The following GNA14 variants were observed in gnomAD, a reference collection of about 807,000 sequenced individuals.
GNA14 encodes G protein subunit alpha 14, also known as guanine nucleotide-binding protein subunit alpha-14.
A neutral mutation model predicts 42.0 loss-of-function variants in GNA14; 50 were observed. That is an observed-to-expected ratio of 1.19 (90% CI 0.95 to 1.51). The LOEUF is 1.51. Among genes scored for constraint, GNA14 ranks in the 40% most tolerant of loss-of-function variants. GNA14 has a pLI of 0.00. For synonymous variants in GNA14, 173 were observed against 163.1 expected, an observed-to-expected ratio of 1.06 and a Z score of -0.46; for missense variants, 473 against 446.2, an observed-to-expected ratio of 1.06 and a Z score of -0.54.
chr9:77,546,185 C>G (rs568493845), intron 1 of GNA14, among the ~76,000 whole-genome samples: 1 of 145,608 alleles, frequency 6.9e-6, no homozygotes, highest in East Asian at 2.0e-4. Context: ...CCACTGCACT[C>G]CAGCCTGGGT....
chr9:77,431,922 G>T (rs1277915045), intron 3 of GNA14, among the ~76,000 whole-genome samples: 2 of 152,080 alleles, frequency 1.3e-5, no homozygotes, highest in Non-Finnish European at 2.9e-5. Flanking sequence ...AAAATACACA[G>T]GCGTAAAACA....
intron 2 of GNA14, among the ~76,000 whole-genome samples, chr9:77,514,572 A>G (rs1554693751): frequency 6.6e-6 from 1 of 151,902 alleles, no homozygotes; most frequent in Non-Finnish European, 1.5e-5. Flanking sequence ...GTGGGTGGAA[A>G]AAGAAGGTGT....
At chr9:77,546,145 A>G (rs951960584) in intron 1 of GNA14, among the ~76,000 whole-genome samples, 1 of 135,138 alleles carries the variant, frequency 7.4e-6, no homozygotes, top group Non-Finnish European at 1.5e-5. Context: ...TGAACCAGGG[A>G]GGCAGAGGTT....
chr9:77,583,488 G>A (rs900475165), intron 1 of GNA14, among the ~76,000 whole-genome samples: 8 of 152,094 alleles, frequency 5.3e-5, no homozygotes, highest in East Asian at 1.9e-4. Context: ...AATTTTACTC[G>A]TTTTATGTTC....
At chr9:77,624,922 G>C (rs939626446) in intron 1 of GNA14, among the ~76,000 whole-genome samples, 4 of 152,038 alleles carry the variant, frequency 2.6e-5, no homozygotes, top group African/African-American at 7.2e-5. Context: ...ATTGACCGAA[G>C]TAGGCTTCAG....
Position 77,460,560 on chromosome 9 carries a change from A to G in GNA14, c.310-26038T>C, listed in dbSNP as rs191614119. On this transcript the variant is annotated intron_variant, in intron 2 of 6. Transcript: ENST00000341700. ...GCAAAACTCTGGACAGACGGGGACC[A>G]ATGACTGAGCCTTGGCTGGGAGGGC... Among the ~76,000 whole-genome samples the G allele has an allele frequency of 1.4e-3, 219 of 152,284 alleles. 2 individuals are homozygous for G. The highest frequency in any genetic ancestry group is 1.5e-3 in the Non-Finnish European group (103 of 68,022).
At chr9:77,555,538 GT>G (rs1564052701) in intron 1 of GNA14, among the ~76,000 whole-genome samples, 1 of 152,112 alleles carries the variant, frequency 6.6e-6, no homozygotes, top group African/African-American at 2.4e-5. Flanking sequence ...ATATGCCTGA[GT>G]GTGTGTCTAT....
chr9:77,451,976 C>G (rs1487022669), intron 2 of GNA14, among the ~76,000 whole-genome samples: 1 of 152,212 alleles, frequency 6.6e-6, no homozygotes, highest in Non-Finnish European at 1.5e-5. Flanking sequence ...GAAGTCCCCA[C>G]AGCCCAGGAA....
At chr9:77,426,713 A>T (rs1458422871) in intron 5 of GNA14, among the ~76,000 whole-genome samples, 1 of 152,216 alleles carries the variant, frequency 6.6e-6, no homozygotes, top group Non-Finnish European at 1.5e-5. Flanking sequence ...TGGCAAGAAG[A>T]TATTAAATGC....
In GNA14 at chr9:77,583,852, G is replaced by A. The variant is rs539212022; in HGVS notation, c.125-54599C>T. 7.2e-5 allele frequency among the ~76,000 whole-genome samples: 11 copies of A among 152,252 alleles called. No individual in the cohort carries two copies. In the East Asian group the frequency reaches 1.2e-3, roughly 16 times the overall value. ...CCAGCCAAAGCCATTGCCTCAGCTC[G>A]GAGGACCACTGCTGGAGTAGCAAGG... On this transcript the variant is annotated intron_variant, in intron 1 of 6. Transcript: ENST00000341700.
chr9:77,632,228 A>G (rs774004743), intron 1 of GNA14, among the ~76,000 whole-genome samples: 2 of 152,144 alleles, frequency 1.3e-5, no homozygotes, highest in Admixed American at 6.5e-5. Context: ...CACTGAGGGA[A>G]GCTTGGTGCT....
At chr9:77,485,028 T>C (rs924478860) in intron 2 of GNA14, among the ~76,000 whole-genome samples, 1 of 152,170 alleles carries the variant, frequency 6.6e-6, no homozygotes, top group African/African-American at 2.4e-5. Flanking sequence ...GTTGAGGTGA[T>C]TGTGAGCAAT....
rs2118054218 is a variant in GNA14 at position 77,648,016 on chromosome 9, G to A, written c.-223C>T. On this transcript the variant is annotated 5_prime_UTR_variant, in exon 1 of 7. Transcript: ENST00000341700. The stretch of plus-strand genomic sequence containing the variant: ...AATGCCGAGCGCTGGGAACGCTCGA[G>A]TGCACCCCGGATCCGGGCTCAGCCC... 3.6e-6 allele frequency: 2 copies of A among 550,338 alleles called. No homozygotes were observed. Among genetic ancestry groups the A allele is most frequent in the Non-Finnish European group, 6.3e-6 (2 of 317,488 alleles). The allele number at this position is 550,338 out of a possible 1,614,324, so 34.1% of individuals were successfully genotyped here.
intron 2 of GNA14, among the ~76,000 whole-genome samples, chr9:77,520,819 T>A (rs936024036): frequency 1.3e-5 from 2 of 152,162 alleles, no homozygotes; most frequent in African/African-American, 4.8e-5. Flanking sequence ...CCCTTTTTCA[T>A]TAGGTTTTAA....
intron 1 of GNA14, among the ~76,000 whole-genome samples, chr9:77,591,031 G>A (rs931515328): frequency 6.6e-6 from 1 of 152,118 alleles, no homozygotes; most frequent in Non-Finnish European, 1.5e-5. Context: ...GAAAGACTCG[G>A]CAAACTTAAA....
At chr9:77,446,255 G>A (rs538847427) in intron 2 of GNA14, among the ~76,000 whole-genome samples, 1 of 152,136 alleles carries the variant, frequency 6.6e-6, no homozygotes, top group Non-Finnish European at 1.5e-5. Context: ...TTATTTTCAC[G>A]GCCCTTCCAG....
At chr9:77,596,666 A>G (rs72732785) in intron 1 of GNA14, among the ~76,000 whole-genome samples, 398 of 152,304 alleles carry the variant, frequency 2.6e-3, no homozygotes, top group Non-Finnish European at 4.3e-3. Context: ...GTGTGAAAAG[A>G]AAATAAATCT....
chr9:77,636,298 G>A (rs1824183333), intron 1 of GNA14, among the ~76,000 whole-genome samples: 1 of 152,160 alleles, frequency 6.6e-6, no homozygotes, highest in South Asian at 2.1e-4. Context: ...CATCAATACA[G>A]AAGATGGCTT....
intron 2 of GNA14, among the ~76,000 whole-genome samples, chr9:77,499,533 A>T (rs1008814570): frequency 6.6e-6 from 1 of 152,180 alleles, no homozygotes; most frequent in Non-Finnish European, 1.5e-5. Context: ...ATACATACAA[A>T]AAGGCCACAT....
Sources: allele counts gnomAD v4.1 joint callset (sites outside exome capture counted in the v4.1 genomes callset), GRCh38; gene constraint gnomAD v4.1.1; transcripts MANE v1.5; gene names NCBI Gene and HGNC (gene_info 2026-07-23, HGNC 2026-07-21).